SKAP2: variants seen among roughly 807,000 people sequenced by gnomAD.
The protein encoded by SKAP2 is src kinase associated phosphoprotein 2, also known as src kinase-associated phosphoprotein 2.
In SKAP2, 28 loss-of-function variants were observed where a neutral mutation model predicts 54.9. That is an observed-to-expected ratio of 0.51 (90% CI 0.38 to 0.70). SKAP2 has a LOEUF of 0.70. Among genes scored for constraint, SKAP2 ranks in the 30% least tolerant of loss-of-function variants. SKAP2 has a pLI of 0.00. For synonymous variants in SKAP2, 137 were observed against 134.3 expected, an observed-to-expected ratio of 1.02 and a Z score of -0.14; for missense variants, 356 against 424.1, an observed-to-expected ratio of 0.84 and a Z score of 1.41.
intron 4 of SKAP2, among the ~76,000 whole-genome samples, chr7:26,831,631 C>A (rs1002432715): frequency 6.6e-6 from 1 of 152,134 alleles, no homozygotes; most frequent in Non-Finnish European, 1.5e-5. Flanking sequence ...TTATCCTACT[C>A]AATCCTAAGA....
intron 1 of SKAP2, among the ~76,000 whole-genome samples, chr7:26,861,772 A>C (rs1396211369): frequency 6.6e-6 from 1 of 151,928 alleles, no homozygotes; most frequent in African/African-American, 2.4e-5. Flanking sequence ...AATACACTTG[A>C]GTACCTATCC....
chr7:26,711,634 A>C (rs190160402), intron 9 of SKAP2, among the ~76,000 whole-genome samples: 28 of 152,322 alleles, frequency 1.8e-4, no homozygotes, highest in African/African-American at 6.0e-4. Context: ...CATAAGTCTG[A>C]GCAGCAGAAA....
chr7:26,769,556 A>C (rs1430815625), intron 4 of SKAP2, among the ~76,000 whole-genome samples: 1 of 152,078 alleles, frequency 6.6e-6, no homozygotes, highest in Non-Finnish European at 1.5e-5. Context: ...TGGAATTTTC[A>C]GCCTTTTTGT....
chr7:26,708,579 A>T (rs1162759383), intron 9 of SKAP2, among the ~76,000 whole-genome samples: 1 of 152,048 alleles, frequency 6.6e-6, no homozygotes, highest in Non-Finnish European at 1.5e-5. Context: ...AAACTCCCCA[A>T]CCTTAATCCT....
chr7:26,692,572 G>A (rs907261643), intron 9 of SKAP2, among the ~76,000 whole-genome samples: 4 of 152,098 alleles, frequency 2.6e-5, no homozygotes, highest in African/African-American at 9.7e-5. Context: ...CAATATAAGG[G>A]ACACCTGAAA....
At chr7:26,745,269 G>C (rs1782537471) in intron 4 of SKAP2, among the ~76,000 whole-genome samples, 2 of 152,318 alleles carry the variant, frequency 1.3e-5, no homozygotes, top group African/African-American at 4.8e-5. Context: ...TTTTCACTCT[G>C]AGTCAAGATG....
intron 4 of SKAP2, among the ~76,000 whole-genome samples, chr7:26,817,919 T>A (rs1325976247): frequency 6.6e-6 from 1 of 152,090 alleles, no homozygotes; most frequent in Non-Finnish European, 1.5e-5. Context: ...TACAAACCAC[T>A]GCTCAAGGAA....
intron 3 of SKAP2, among the ~76,000 whole-genome samples, chr7:26,852,881 C>G (rs568858175): frequency 6.6e-6 from 1 of 152,180 alleles, no homozygotes; most frequent in African/African-American, 2.4e-5. Flanking sequence ...TAATATTCTT[C>G]CATAAAGTAT....
intron 1 of SKAP2, among the ~76,000 whole-genome samples, chr7:26,860,624 C>T (rs530584200): frequency 6.6e-6 from 1 of 151,790 alleles, no homozygotes; most frequent in South Asian, 2.1e-4. Flanking sequence ...ACTAGATACA[C>T]CATAAATAAT....
At chr7:26,833,892 T>C (rs922951162) in intron 4 of SKAP2, among the ~76,000 whole-genome samples, 7 of 152,290 alleles carry the variant, frequency 4.6e-5, no homozygotes, top group Admixed American at 2.0e-4. Flanking sequence ...CAACAGAATA[T>C]ACATTCTTCT....
rs1786151243 is a variant in SKAP2 at position 26,668,306 on chromosome 7, T to C, written c.*1360A>G. 1.3e-5 allele frequency: 2 copies of C among 152,224 alleles called. No individual in the cohort carries two copies. The highest frequency in any genetic ancestry group is 6.5e-5 in the Admixed American group (1 of 15,280). 9.4% of individuals were successfully genotyped at this position (152,224 alleles called of 1,614,324 possible). On this transcript the variant is annotated 3_prime_UTR_variant, in exon 13 of 13. Coordinates refer to ENST00000345317, the MANE Select transcript of SKAP2 (RefSeq NM_003930.5). ...GTCCAAATAATTATCTAACCAGCAA[T>C]GCATTTTGACATATGTTAAGGCTAC...
chr7:26,674,287 G>A (rs932396110), intron 11 of SKAP2, among the ~76,000 whole-genome samples: 10 of 152,082 alleles, frequency 6.6e-5, no homozygotes, highest in African/African-American at 2.4e-4. Flanking sequence ...GGACTTGACT[G>A]TTGTTTTCCA....
At position 26,821,917 on chromosome 7, in the gene SKAP2, A is replaced by G. The variant is rs1784391109; in HGVS notation, c.307+22113T>C. On this transcript the variant is annotated intron_variant, in intron 4 of 12. Coordinates refer to ENST00000345317, the MANE Select transcript of SKAP2 (RefSeq NM_003930.5). Reference sequence around the variant, plus strand: ...TTCCAGCTCCCTCCCATAACAAACTAAAATTTATTTGTCATTTGATCCATT... The same window carrying G: ...TTCCAGCTCCCTCCCATAACAAACTGAAATTTATTTGTCATTTGATCCATT... Among the ~76,000 whole-genome samples, 6 of 152,148 alleles carry G rather than the reference A, an allele frequency of 3.9e-5. No individual in the cohort carries two copies. The South Asian group carries it at 1.2e-3, about 32-fold the overall frequency.
In SKAP2 at chr7:26,864,525, C is replaced by T; in HGVS notation, c.-96G>A. 6.7e-7 allele frequency: 1 copy of T among 1,487,786 alleles called. No individual in the cohort carries two copies. The allele number at this position is 1,487,786 out of a possible 1,614,324, so 92.2% of individuals were successfully genotyped here. A position where few individuals can be genotyped will look rare whatever the true frequency, so the allele number is the denominator to read the frequency against. On this transcript the variant is annotated 5_prime_UTR_variant, in exon 1 of 13. Transcript: ENST00000345317. ...TGCGACCTAGACTCAGGCTAGCGGCCCGGATTAAGAACAGCGGGGCTACGA... is the reference window on the plus strand; with the variant it reads ...TGCGACCTAGACTCAGGCTAGCGGCTCGGATTAAGAACAGCGGGGCTACGA...
chr7:26,855,489 A>C (rs994718708), intron 1 of SKAP2, among the ~76,000 whole-genome samples: 1 of 152,102 alleles, frequency 6.6e-6, no homozygotes, highest in African/African-American at 2.4e-5. Context: ...CAAATAAAAA[A>C]GATAACCAGC....
At chr7:26,677,334 G>A (rs1333925069) in intron 11 of SKAP2, among the ~76,000 whole-genome samples, 2 of 149,794 alleles carry the variant, frequency 1.3e-5, no homozygotes, top group African/African-American at 5.0e-5. Context: ...AGAGGTTGCA[G>A]TGAGCTGAAA....
chr7:26,663,903 G>A (rs568155937), downstream of SKAP2, among the ~76,000 whole-genome samples: 50 of 152,142 alleles, frequency 3.3e-4, no homozygotes, highest in South Asian at 6.2e-3. Context: ...TCTCCATTGC[G>A]GATCAGCTGC....
At chr7:26,768,418 G>A (rs751284959) in intron 4 of SKAP2, among the ~76,000 whole-genome samples, 1 of 151,810 alleles carries the variant, frequency 6.6e-6, no homozygotes, top group Non-Finnish European at 1.5e-5. Flanking sequence ...TATACAATTT[G>A]CAGGTCTGTG....
intron 4 of SKAP2, among the ~76,000 whole-genome samples, chr7:26,784,574 T>A (rs1018200706): frequency 6.6e-6 from 1 of 152,200 alleles, no homozygotes; most frequent in African/African-American, 2.4e-5. Context: ...CATATTTATC[T>A]CTGTATTCTC....
Sources: allele counts gnomAD v4.1 joint callset (sites outside exome capture counted in the v4.1 genomes callset), GRCh38; gene constraint gnomAD v4.1.1; transcripts MANE v1.5; gene names NCBI Gene and HGNC (gene_info 2026-07-23, HGNC 2026-07-21).